GDPD5: variants seen among roughly 807,000 people sequenced by gnomAD.
GDPD5 encodes glycerophosphodiester phosphodiesterase domain containing 5.
Under a neutral mutation model 75.1 loss-of-function variants are expected in GDPD5, and 48 were observed. The observed-to-expected ratio is 0.64, with a 90% CI of 0.51 to 0.81. GDPD5 has a LOEUF of 0.81. Ranked by LOEUF, GDPD5 falls within the 40% of genes least tolerant of loss-of-function variation. The pLI is 0.00. For missense variants in GDPD5, 706 were observed against 822.6 expected (o/e 0.86, Z 1.73); for synonymous variants, 336 against 339.0 (o/e 0.99, Z 0.10).
intron 16 of GDPD5, among the ~76,000 whole-genome samples, chr11:75,436,057 C>T (rs1291220523): frequency 2.6e-5 from 4 of 152,148 alleles, no homozygotes; most frequent in Non-Finnish European, 4.4e-5. Context: ...AGCCCTGGGC[C>T]GAGTTAGGGC....
chr11:75,522,287 C>T (rs528541720), intron 1 of GDPD5, among the ~76,000 whole-genome samples: 1 of 152,338 alleles, frequency 6.6e-6, no homozygotes, highest in South Asian at 2.1e-4. Flanking sequence ...CTGATGGGAT[C>T]ATGTGTCTTT....
intron 6 of GDPD5, 95 bp downstream of exon 6, chr11:75,456,662 T>C: frequency 2.5e-6 from 3 of 1,213,562 alleles, no homozygotes; most frequent in South Asian, 1.2e-5. Context: ...CTAACGGTGA[T>C]CCAGGGGAGG....
intron 1 of GDPD5, among the ~76,000 whole-genome samples, chr11:75,513,115 A>T (rs1169166691): frequency 6.6e-6 from 1 of 152,102 alleles, no homozygotes; most frequent in East Asian, 1.9e-4. Context: ...GAGGATGGAG[A>T]GGGAGGTTTT....
chr11:75,459,148 G>T (rs1165093943), intron 4 of GDPD5, among the ~76,000 whole-genome samples: 3 of 152,100 alleles, frequency 2.0e-5, no homozygotes, highest in African/African-American at 7.2e-5. Context: ...AAATAGCCAC[G>T]TGGTTTTCCA....
At chr11:75,508,954 ACCTGAGGC>A (rs1322635285) in intron 1 of GDPD5, 1 of 152,340 alleles carries the variant, frequency 6.6e-6, no homozygotes, top group African/African-American at 2.4e-5. Context: ...CAGAGGGGGT[ACCTGAGGC>A]CCTGCTGAAA....
intron 12 of GDPD5, among the ~76,000 whole-genome samples, chr11:75,442,138 A>T (rs1948833995): frequency 6.6e-6 from 1 of 152,236 alleles, no homozygotes. Flanking sequence ...ACAGGGCAAC[A>T]CTTCACTGAA....
intron 15 of GDPD5, 85 bp downstream of exon 15, chr11:75,439,791 GGCT>G: frequency 9.3e-7 from 1 of 1,080,236 alleles, no homozygotes; most frequent in African/African-American, 1.6e-5. Flanking sequence ...TGAGGCCCAG[GGCT>G]CAGGAGAGGG....
chr11:75,482,160 T>C (rs1288280671), intron 2 of GDPD5, among the ~76,000 whole-genome samples: 1 of 151,918 alleles, frequency 6.6e-6, no homozygotes, highest in East Asian at 1.9e-4. Context: ...CACCCAGGAA[T>C]GGAAATTCCA....
chr11:75,490,428 T>G (rs898079917), intron 1 of GDPD5, 108 bp from the exon 2 acceptor site: 1 of 152,322 alleles, frequency 6.6e-6, no homozygotes, highest in Non-Finnish European at 1.5e-5. Context: ...CTCCCTGTGC[T>G]GGGTGTGGGG....
At chr11:75,455,363 A>G (rs770382544) in intron 6 of GDPD5, 3 of 456,414 alleles carry the variant, frequency 6.6e-6, no homozygotes, top group African/African-American at 6.0e-5. Context: ...GCCTGTGAGT[A>G]GAGTGAGGGC....
Position 75,435,546 on chromosome 11 carries a change from G to C in GDPD5, c.1779C>G (p.Gly593=), listed in dbSNP as rs1948603050. The part of the protein sequence containing the change: ...TATPVGPRGG[G]SHTKTLIERS... ...GCTCTATGAGGGTCTTGGTGTGGCT[G>C]CCACCCCCTCGGGGGCCCACAGGGG... The change falls in exon 17 of 17, where the codon GGC becomes GGG. Residue 593 remains glycine (G), a synonymous_variant. Transcript: ENST00000336898. 2 of 1,612,576 alleles carry C rather than the reference G, an allele frequency of 1.2e-6. No individual in the cohort carries two copies. The highest frequency in any genetic ancestry group is 2.7e-5 in the African/African-American group (2 of 75,030).
At chr11:75,453,631 A>AAAT (rs970417021) in intron 6 of GDPD5, among the ~76,000 whole-genome samples, 2 of 151,912 alleles carry the variant, frequency 1.3e-5, no homozygotes, top group African/African-American at 4.8e-5. Flanking sequence ...AAAAAAAAAA[A>AAAT]AATACAAACA....
At position 75,477,751 on chromosome 11, in the gene GDPD5, C is replaced by CATA; in HGVS notation, c.-17_-16insTAT. The CATA allele has an allele frequency of 1.3e-6, 2 of 1,528,672 alleles. No homozygotes were observed. The highest frequency in any genetic ancestry group is 1.8e-6 in the Non-Finnish European group (2 of 1,125,692). 94.7% of individuals were successfully genotyped at this position (1,528,672 alleles called of 1,614,324 possible). A position where few individuals can be genotyped will look rare whatever the true frequency, so the allele number is the denominator to read the frequency against. On this transcript the variant is annotated 5_prime_UTR_variant, in exon 3 of 17. In the 5' UTR this introduces an upstream ATG that the reference lacks. Transcript: ENST00000336898. The stretch of plus-strand genomic sequence containing the variant: ...GTCTCACCATACTCGTGCCCACGGC[C>CATA]CTGGCGCCTGGCCCTCAGGCGCCCA...
intron 2 of GDPD5, among the ~76,000 whole-genome samples, chr11:75,484,018 C>A (rs1320966993): frequency 6.6e-6 from 1 of 152,012 alleles, no homozygotes; most frequent in East Asian, 1.9e-4. Flanking sequence ...GAAACCCCGT[C>A]CCTACTAAAA....
chr11:75,497,780 T>G (rs376834054), intron 1 of GDPD5, among the ~76,000 whole-genome samples: 4 of 152,148 alleles, frequency 2.6e-5, no homozygotes, highest in Admixed American at 6.5e-5. Context: ...GAGGGGTTAG[T>G]GGGCCAGGGC....
intron 15 of GDPD5, chr11:75,437,822 T>C (rs1463447340): frequency 1.3e-5 from 2 of 152,340 alleles, no homozygotes; most frequent in African/African-American, 4.8e-5. Context: ...GTCTTCACTA[T>C]TGTCATTCCT....
chr11:75,475,475 T>C (rs1197478363), intron 3 of GDPD5, among the ~76,000 whole-genome samples: 1 of 152,128 alleles, frequency 6.6e-6, no homozygotes, highest in Admixed American at 6.5e-5. Context: ...TTTGAGACAC[T>C]AGGTCGCTAT....
At chr11:75,493,586 G>C (rs1334965831) in intron 1 of GDPD5, among the ~76,000 whole-genome samples, 1 of 151,964 alleles carries the variant, frequency 6.6e-6, no homozygotes, top group Non-Finnish European at 1.5e-5. Flanking sequence ...CAAACTTGAA[G>C]AACAAAAGGT....
At chr11:75,517,988 C>T (rs1350064823) in intron 1 of GDPD5, among the ~76,000 whole-genome samples, 1 of 152,198 alleles carries the variant, frequency 6.6e-6, no homozygotes, top group Non-Finnish European at 1.5e-5. Context: ...TGCTTACTGC[C>T]TTGTCTTATC....
Sources: allele counts gnomAD v4.1 joint callset (sites outside exome capture counted in the v4.1 genomes callset), GRCh38; gene constraint gnomAD v4.1.1; transcripts MANE v1.5; gene names NCBI Gene and HGNC (gene_info 2026-07-23, HGNC 2026-07-21).